Variants in ZFAND3 observed in about 807,000 individuals in gnomAD.
ZFAND3 encodes the protein zinc finger AN1-type containing 3, also known as AN1-type zinc finger protein 3.
Under a neutral mutation model 29.6 loss-of-function variants are expected in ZFAND3, and 10 were observed. The observed-to-expected ratio is 0.34, with a 90% CI of 0.21 to 0.57. The LOEUF is 0.57. ZFAND3 is among the 20% of genes least tolerant of loss of function. The pLI, the probability that ZFAND3 is intolerant of heterozygous loss-of-function variation, is 0.86. For synonymous variants in ZFAND3, 128 were observed against 112.6 expected (o/e 1.14, Z -0.87); for missense variants, 230 against 304.5 (o/e 0.76, Z 1.82).
chr6:38,011,858 A>T (rs993596065), intron 2 of ZFAND3, among the ~76,000 whole-genome samples: 36 of 152,250 alleles, frequency 2.4e-4, no homozygotes, highest in Non-Finnish European at 1.0e-4. Context: ...AACTTCATGT[A>T]AATCTTTGGA....
At chr6:38,014,331 T>TCA (rs1554167178) in intron 2 of ZFAND3, among the ~76,000 whole-genome samples, 1 of 150,462 alleles carries the variant, frequency 6.6e-6, no homozygotes, top group African/African-American at 2.4e-5. Flanking sequence ...ATTATTATTA[T>TCA]TTTTTTTTTT....
At chr6:37,863,734 T>G (rs1764536007) in intron 1 of ZFAND3, among the ~76,000 whole-genome samples, 1 of 152,176 alleles carries the variant, frequency 6.6e-6, no homozygotes, top group Admixed American at 6.5e-5. Flanking sequence ...TCATCTGTTC[T>G]GGGAGACAAA....
At chr6:37,991,109 T>C (rs17581906) in intron 2 of ZFAND3, among the ~76,000 whole-genome samples, 10,120 of 152,174 alleles carry the variant, frequency 0.067, 453 homozygotes, top group Middle Eastern at 0.1. Context: ...TATTTCCCAC[T>C]GGAGGAGGGT....
At chr6:38,099,262 C>G (rs1039838474) in intron 4 of ZFAND3, among the ~76,000 whole-genome samples, 3 of 152,156 alleles carry the variant, frequency 2.0e-5, no homozygotes, top group African/African-American at 7.2e-5. Flanking sequence ...AAAAATCAGA[C>G]AGTTTAACCT....
intron 1 of ZFAND3, among the ~76,000 whole-genome samples, chr6:37,820,220 T>G (rs1763637637): frequency 6.7e-6 from 1 of 149,532 alleles, no homozygotes; most frequent in Non-Finnish European, 1.5e-5. Context: ...CTGCCGGGGG[T>G]GCGTTGCTAC....
chr6:38,032,528 G>A (rs551260030), intron 2 of ZFAND3, among the ~76,000 whole-genome samples: 12 of 152,194 alleles, frequency 7.9e-5, no homozygotes, highest in Non-Finnish European at 5.9e-5. Flanking sequence ...TTACCCAAAA[G>A]AGAATAAAAC....
At chr6:37,944,259 G>A (rs961688800) in intron 2 of ZFAND3, among the ~76,000 whole-genome samples, 6 of 151,996 alleles carry the variant, frequency 3.9e-5, no homozygotes, top group Admixed American at 3.3e-4. Flanking sequence ...GAACTAAAAC[G>A]TCCAAAAACA....
chr6:37,963,199 C>T (rs1033730290), intron 2 of ZFAND3, among the ~76,000 whole-genome samples: 1 of 152,146 alleles, frequency 6.6e-6, no homozygotes, highest in Non-Finnish European at 1.5e-5. Context: ...CACATGTAGC[C>T]TATGGAACAC....
At chr6:37,976,026 AG>A (rs1339329607) in intron 2 of ZFAND3, among the ~76,000 whole-genome samples, 1 of 152,144 alleles carries the variant, frequency 6.6e-6, no homozygotes, top group Non-Finnish European at 1.5e-5. Flanking sequence ...ATCTCTCTTT[AG>A]GCCTTCTTTA....
chr6:37,896,513 C>G (rs1040138394), intron 1 of ZFAND3, among the ~76,000 whole-genome samples: 3 of 89,424 alleles, frequency 3.4e-5, no homozygotes, highest in African/African-American at 1.3e-4. Context: ...TTTCCTCTTT[C>G]TTTTCTTTCT....
Position 37,896,562 on chromosome 6 carries a change from CTTTCTT to C in ZFAND3, c.72-33395_72-33390del, listed in dbSNP as rs1554153807. 5.0e-4 allele frequency among the ~76,000 whole-genome samples: 68 copies of C among 135,450 alleles called. No individual in the cohort carries two copies. The East Asian group carries it at 8.8e-3, about 18-fold the overall frequency. 88.9% of individuals were successfully genotyped at this position (135,450 alleles called of 152,430 possible). A position where few individuals can be genotyped will look rare whatever the true frequency, so the allele number is the denominator to read the frequency against. On this transcript the variant is annotated intron_variant, in intron 1 of 5. Transcript: ENST00000287218. Reference sequence around the variant, plus strand: ...TCTTTCTTTCTTTCTTTCTTTCTTTCTTTCTTTCTCTCTTTCTCTCTCTTTCTCTTT... The same window carrying C: ...TCTTTCTTTCTTTCTTTCTTTCTTTCTCTCTCTTTCTCTCTCTTTCTCTTT...
At chr6:37,881,044 A>G (rs1764886266) in intron 1 of ZFAND3, among the ~76,000 whole-genome samples, 2 of 151,058 alleles carry the variant, frequency 1.3e-5, no homozygotes, top group South Asian at 4.2e-4. Flanking sequence ...GGGAAGGCTG[A>G]TTATGATAGT....
intron 1 of ZFAND3, among the ~76,000 whole-genome samples, chr6:37,840,195 T>G (rs1354245295): frequency 2.6e-5 from 4 of 152,108 alleles, no homozygotes; most frequent in Non-Finnish European, 5.9e-5. Flanking sequence ...CCTTCTGGGT[T>G]CAAGCGATTC....
intron 1 of ZFAND3, among the ~76,000 whole-genome samples, chr6:37,901,983 G>C (rs1765326882): frequency 6.6e-6 from 1 of 152,180 alleles, no homozygotes; most frequent in African/African-American, 2.4e-5. Flanking sequence ...ACTTGTAGCT[G>C]TTGAGGGTTA....
intron 4 of ZFAND3, among the ~76,000 whole-genome samples, chr6:38,100,109 G>A (rs553236581): frequency 2.2e-4 from 34 of 151,900 alleles, no homozygotes; most frequent in African/African-American, 8.2e-4. Context: ...CAGTCACCAG[G>A]CTGGAGTGTA....
At position 37,834,769 on chromosome 6, in the gene ZFAND3, CAT is replaced by C. The variant is rs141886003; in HGVS notation, c.71+14758_71+14759del. 1.2e-4 allele frequency among the ~76,000 whole-genome samples: 17 copies of C among 143,282 alleles called. 1 individual carries two copies. Among genetic ancestry groups the C allele is most frequent in the African/African-American group, 5.8e-5 (2 of 34,560 alleles). The allele number at this position is 143,282 out of a possible 152,430, so 94.0% of individuals were successfully genotyped here. Reference sequence around the variant, plus strand: ...TTATGCATATATAATGATATATGCTCATATATGCATATATCATGCATATATAA... The same window carrying C: ...TTATGCATATATAATGATATATGCTCATATGCATATATCATGCATATATAA... On this transcript the variant is annotated intron_variant, in intron 1 of 5. Transcript: ENST00000287218.
intron 2 of ZFAND3, among the ~76,000 whole-genome samples, chr6:37,946,873 G>T (rs1004043479): frequency 1.3e-5 from 2 of 152,170 alleles, no homozygotes; most frequent in African/African-American, 4.8e-5. Context: ...CCAGGGGCTA[G>T]AGGGTGGGGG....
At chr6:37,918,951 C>CTTTTTTTTT (rs66941014) in intron 1 of ZFAND3, among the ~76,000 whole-genome samples, 2,516 of 104,422 alleles carry the variant, frequency 0.024, 277 homozygotes, top group African/African-American at 0.066. Flanking sequence ...TGAAAAATGC[C>CTTTTTTTTT]TTTTTTTTTT....
At chr6:38,142,083 T>C (rs1765969070) in intron 5 of ZFAND3, among the ~76,000 whole-genome samples, 1 of 152,224 alleles carries the variant, frequency 6.6e-6, no homozygotes, top group African/African-American at 2.4e-5. Context: ...TGCTGTATTA[T>C]CCTGAAAGAG....
Sources: allele counts gnomAD v4.1 joint callset (sites outside exome capture counted in the v4.1 genomes callset), GRCh38; gene constraint gnomAD v4.1.1; transcripts MANE v1.5; gene names NCBI Gene and HGNC (gene_info 2026-07-23, HGNC 2026-07-21).